The following LNX2 variants were observed in gnomAD, a reference collection of about 807,000 sequenced individuals.
LNX2 encodes ligand of Numb protein X 2.
In LNX2, 35 loss-of-function variants were observed where a neutral mutation model predicts 66.2. The ratio of observed to expected loss-of-function variants is 0.53; its 90% CI spans 0.40 to 0.70. The LOEUF is 0.70. Ranked by LOEUF, LNX2 falls within the 30% of genes least tolerant of loss-of-function variation. LNX2 has a pLI of 0.00. For missense variants in LNX2, 791 were observed against 850.8 expected (o/e 0.93, Z 0.87); for synonymous variants, 337 against 315.6 (o/e 1.07, Z -0.72).
intron 1 of LNX2, among the ~76,000 whole-genome samples, chr13:27,588,092 C>A (rs1955511470): frequency 1.3e-5 from 2 of 150,086 alleles, no homozygotes; most frequent in Admixed American, 1.3e-4. Flanking sequence ...CCCTTTTATC[C>A]ACTCTGGACA....
Position 27,546,039 on chromosome 13 carries a change from A to C in LNX2, c.*2296T>G, listed in dbSNP as rs970726109. 2 of 152,240 alleles carry C rather than the reference A, an allele frequency of 1.3e-5. No homozygotes were observed. The highest frequency in any genetic ancestry group is 4.8e-5 in the African/African-American group (2 of 41,468). 9.4% of individuals were successfully genotyped at this position (152,240 alleles called of 1,614,324 possible). A position where few individuals can be genotyped will look rare whatever the true frequency, so the allele number is the denominator to read the frequency against. On this transcript the variant is annotated 3_prime_UTR_variant, in exon 10 of 10. Coordinates refer to ENST00000316334, the MANE Select transcript of LNX2 (RefSeq NM_153371.4). ...CCAAAATATTTAACTATCAGAACTA[A>C]AAATGAGAAAATCCAAATAGTTCTA...
intron 1 of LNX2, among the ~76,000 whole-genome samples, chr13:27,603,061 C>A (rs1955676275): frequency 6.6e-6 from 1 of 152,048 alleles, no homozygotes; most frequent in African/African-American, 2.4e-5. Context: ...CATTCAGTGC[C>A]TCATGAAATA....
intron 1 of LNX2, among the ~76,000 whole-genome samples, chr13:27,606,155 T>G (rs1955713258): frequency 6.6e-6 from 1 of 152,176 alleles, no homozygotes; most frequent in Non-Finnish European, 1.5e-5. Context: ...CAAATAATTT[T>G]TAATTAAGCA....
At chr13:27,568,606 C>T (rs1955235271) in intron 3 of LNX2, among the ~76,000 whole-genome samples, 1 of 152,064 alleles carries the variant, frequency 6.6e-6, no homozygotes, top group South Asian at 2.1e-4. Flanking sequence ...TAAAATGTTA[C>T]AAGCATCTAA....
chr13:27,581,113 C>G (rs1955392001), intron 2 of LNX2, among the ~76,000 whole-genome samples, 184 bp downstream of exon 2: 1 of 152,090 alleles, frequency 6.6e-6, no homozygotes, highest in South Asian at 2.1e-4. Flanking sequence ...TTTTTGTATT[C>G]ATGTTTTTGA....
intron 5 of LNX2, among the ~76,000 whole-genome samples, chr13:27,561,914 T>C (rs959033480): frequency 2.0e-5 from 3 of 152,270 alleles, no homozygotes; most frequent in African/African-American, 7.2e-5. Context: ...ACAAAGATGC[T>C]ATGAGGACAA....
In LNX2 at chr13:27,562,458, G is replaced by A. The variant is rs200248301; in HGVS notation, c.1179C>T (p.His393=). 2.1e-5 allele frequency: 34 copies of A among 1,613,992 alleles called. No homozygotes were observed. The East Asian group carries it at 3.6e-4, about 17-fold the overall frequency. The stretch of plus-strand genomic sequence containing the variant: ...GCTCCGGAGTTCCATACTTCAGGTC[G>A]TGCCCATTGATGGCCAGCACTCGGT... ...SNDRVLAING[H]DLKYGTPELA... is the part of the protein sequence containing the mutation. The change falls in exon 5 of 10, where the codon CAC becomes CAT. Residue 393 remains histidine, a synonymous_variant. Coordinates refer to ENST00000316334, the MANE Select transcript of LNX2 (RefSeq NM_153371.4).
At chr13:27,594,602 A>G (rs955456203) in intron 1 of LNX2, among the ~76,000 whole-genome samples, 10 of 152,196 alleles carry the variant, frequency 6.6e-5, no homozygotes, top group African/African-American at 2.4e-4. Flanking sequence ...GTATGAGAAT[A>G]GATCTAACTT....
chr13:27,591,863 G>A (rs995280848), intron 1 of LNX2, among the ~76,000 whole-genome samples: 4 of 152,212 alleles, frequency 2.6e-5, no homozygotes, highest in African/African-American at 9.7e-5. Context: ...CATGATCAAG[G>A]AAGAACTCAC....
At chr13:27,573,292 G>C (rs949887585) in intron 2 of LNX2, among the ~76,000 whole-genome samples, 3 of 152,058 alleles carry the variant, frequency 2.0e-5, no homozygotes, top group Admixed American at 2.0e-4. Context: ...ACCTGTCTAT[G>C]GTTCCCCTCT....
intron 1 of LNX2, among the ~76,000 whole-genome samples, chr13:27,620,113 CCCGGGCGCCTGCAGGCGGCGGGCA>C (rs1457522215): frequency 2.0e-5 from 3 of 152,154 alleles, no homozygotes; most frequent in East Asian, 1.9e-4. Flanking sequence ...CCGCCCGCCT[CCCGGGCGCCTGCAGGCGGCGGGCA>C]CCGGGCGCCG....
intron 2 of LNX2, among the ~76,000 whole-genome samples, chr13:27,576,727 G>GA (rs147533969): frequency 0.075 from 9,659 of 128,482 alleles, 366 homozygotes; most frequent in Middle Eastern, 0.12. Context: ...GCTATCTCCA[G>GA]AAAAAAAAAA....
At chr13:27,606,642 TACAC>T (rs2138467443) in intron 1 of LNX2, among the ~76,000 whole-genome samples, 1 of 152,308 alleles carries the variant, frequency 6.6e-6, no homozygotes, top group African/African-American at 2.4e-5. Context: ...CATGAGTTTA[TACAC>T]ACAAAATATG....
rs1201888536 is a variant in LNX2, at chr13:27,581,677, C to T, written c.27G>A (p.Val9=). 1 of 1,608,772 alleles carries T rather than the reference C, an allele frequency of 6.2e-7. No individual in the cohort carries two copies. The stretch of plus-strand genomic sequence containing the variant: ...AAGAGGAGGAGGTCTGTTCCACAGA[C>T]ACCATCTCATCACTTGTTGTTCCCA... MGTTSDEM[V]SVEQTSSSSL... Residue 9 remains valine (V), a synonymous_variant, in exon 2 of 10, where the codon GTG becomes GTA. Transcript: ENST00000316334.
chr13:27,573,118 A>C (rs1350696689), intron 2 of LNX2, among the ~76,000 whole-genome samples: 3 of 152,186 alleles, frequency 2.0e-5, no homozygotes, highest in African/African-American at 7.2e-5. Context: ...GTAAGAAGAG[A>C]GAGCTCTGTG....
At chr13:27,576,244 G>A (rs9512752) in intron 2 of LNX2, among the ~76,000 whole-genome samples, 76,541 of 151,980 alleles carry the variant, frequency 0.5, 19,549 homozygotes, top group Middle Eastern at 0.62. Flanking sequence ...TTTGATACTC[G>A]ACTTTCAATA....
intron 3 of LNX2, 56 bp from the exon 4 acceptor site, chr13:27,567,895 C>G: frequency 7.2e-7 from 1 of 1,393,976 alleles, no homozygotes; most frequent in Non-Finnish European, 1.0e-6. Flanking sequence ...TAAACAAACC[C>G]AACAATTTAT....
intron 1 of LNX2, among the ~76,000 whole-genome samples, chr13:27,585,677 T>TC: frequency 6.6e-6 from 1 of 152,086 alleles, no homozygotes; most frequent in Admixed American, 6.5e-5. Flanking sequence ...ATACGGAATT[T>TC]CTGCAGATTC....
rs1954954016 is a variant in LNX2, at chr13:27,547,479, TATGA to T, written c.*852_*855del. 6.6e-6 allele frequency: 1 copy of T among 152,216 alleles called. No homozygotes were observed. Among genetic ancestry groups the T allele is most frequent in the Admixed American group, 6.5e-5 (1 of 15,276 alleles). 9.4% of individuals were successfully genotyped at this position (152,216 alleles called of 1,614,324 possible). Reference sequence around the variant, plus strand: ...TTGTCAGACTTATTTCTTCATCTTCTATGAATATTGAGAGATTACAGTAGAAATA... The same window carrying T: ...TTGTCAGACTTATTTCTTCATCTTCTATATTGAGAGATTACAGTAGAAATA... On this transcript the variant is annotated 3_prime_UTR_variant, in exon 10 of 10. Transcript: ENST00000316334.
Sources: allele counts gnomAD v4.1 joint callset (sites outside exome capture counted in the v4.1 genomes callset), GRCh38; gene constraint gnomAD v4.1.1; transcripts MANE v1.5; gene names NCBI Gene and HGNC (gene_info 2026-07-23, HGNC 2026-07-21).